KPNA4: variants seen among roughly 807,000 people sequenced by gnomAD.
KPNA4 encodes importin subunit alpha-3.
A neutral mutation model predicts 71.3 loss-of-function variants in KPNA4; 13 were observed. That is an observed-to-expected ratio of 0.18 (90% CI 0.12 to 0.29). The LOEUF (loss-of-function observed/expected upper bound fraction) is 0.29, where lower values mean the gene tolerates loss of function less well. Among genes scored for constraint, KPNA4 ranks in the 10% least tolerant of loss-of-function variants. The pLI, the probability that KPNA4 is intolerant of heterozygous loss-of-function variation, is 1.00. For missense variants in KPNA4, 334 were observed against 603.2 expected, an observed-to-expected ratio of 0.55 and a Z score of 4.67; for synonymous variants, 189 against 195.2, an observed-to-expected ratio of 0.97 and a Z score of 0.26.
At chr3:160,554,579 A>ATAC (rs1256448085) in intron 1 of KPNA4, among the ~76,000 whole-genome samples, 2 of 152,136 alleles carry the variant, frequency 1.3e-5, no homozygotes, top group Non-Finnish European at 2.9e-5. Context: ...GGGGCCCTAG[A>ATAC]TAGTTTCAGG....
chr3:160,556,127 C>T (rs1280837123), intron 1 of KPNA4, among the ~76,000 whole-genome samples: 3 of 152,230 alleles, frequency 2.0e-5, no homozygotes, highest in African/African-American at 7.2e-5. Flanking sequence ...AGCCACTGCG[C>T]CCAGCCAAGT....
intron 1 of KPNA4, among the ~76,000 whole-genome samples, chr3:160,551,300 C>T (rs1230243355): frequency 6.6e-6 from 1 of 152,078 alleles, no homozygotes; most frequent in Non-Finnish European, 1.5e-5. Context: ...CTTTTCTCTA[C>T]AAAAACATAT....
At chr3:160,540,532 G>A (rs1721778569) in intron 1 of KPNA4, among the ~76,000 whole-genome samples, 1 of 152,140 alleles carries the variant, frequency 6.6e-6, no homozygotes, top group Non-Finnish European at 1.5e-5. Context: ...TGAATGAACT[G>A]GTAGAAAGAC....
chr3:160,537,441 G>GT (rs1229386442), intron 1 of KPNA4, among the ~76,000 whole-genome samples: 1 of 151,238 alleles, frequency 6.6e-6, no homozygotes, highest in African/African-American at 2.4e-5. Flanking sequence ...ATTTTCTATG[G>GT]CACACCATGG....
In KPNA4 at chr3:160,524,448, T is replaced by G. The variant is rs372736595; in HGVS notation, c.771+1352A>C. 5.9e-5 allele frequency among the ~76,000 whole-genome samples: 9 copies of G among 152,254 alleles called. No homozygotes were observed. The East Asian group carries it at 1.4e-3, about 23-fold the overall frequency. The stretch of plus-strand genomic sequence containing the variant: ...GCCTTGACCTCCCCAGCTCAGGAGA[T>G]CCTCCTGCCTCAGCCACTGAGTAGC... On this transcript the variant is annotated intron_variant, in intron 10 of 16. Coordinates refer to ENST00000334256, the MANE Select transcript of KPNA4 (RefSeq NM_002268.5).
intron 10 of KPNA4, among the ~76,000 whole-genome samples, chr3:160,523,470 G>C (rs1238470253): frequency 1.3e-5 from 2 of 152,118 alleles, no homozygotes; most frequent in Non-Finnish European, 2.9e-5. Context: ...ACTCCTAAAA[G>C]GTGAAAATAA....
At chr3:160,504,334 A>C (rs558177323) in intron 16 of KPNA4, among the ~76,000 whole-genome samples, 15 of 152,208 alleles carry the variant, frequency 9.9e-5, no homozygotes, top group Non-Finnish European at 2.1e-4. Context: ...CATTAAAGAA[A>C]TCCTCTGGTG....
chr3:160,524,505 C>T (rs955169999), intron 10 of KPNA4, among the ~76,000 whole-genome samples: 8 of 151,804 alleles, frequency 5.3e-5, no homozygotes, highest in African/African-American at 1.9e-4. Flanking sequence ...CTATGCCTGG[C>T]TAATTTTTTG....
At chr3:160,515,347 G>T in intron 12 of KPNA4, 105 bp downstream of exon 12, 2 of 1,036,468 alleles carry the variant, frequency 1.9e-6, no homozygotes, top group Non-Finnish European at 2.8e-6. Flanking sequence ...ATGACAGTTT[G>T]TATTAAGAAT....
chr3:160,521,605 A>G (rs1721350629), intron 11 of KPNA4, among the ~76,000 whole-genome samples, 174 bp downstream of exon 11: 1 of 152,220 alleles, frequency 6.6e-6, no homozygotes, highest in Admixed American at 6.5e-5. Context: ...CATCTTAAAA[A>G]AAGAAATTAG....
At chr3:160,556,780 T>C (rs1208127393) in intron 1 of KPNA4, among the ~76,000 whole-genome samples, 2 of 152,116 alleles carry the variant, frequency 1.3e-5, no homozygotes, top group African/African-American at 4.8e-5. Flanking sequence ...AAAAAGGGAA[T>C]TGGGAAAAAT....
At chr3:160,514,007 A>C in intron 13 of KPNA4, 70 bp downstream of exon 13, 1 of 845,790 alleles carries the variant, frequency 1.2e-6, no homozygotes, top group East Asian at 3.0e-5. Context: ...ATAAATTCAC[A>C]TAATGTCTCA....
intron 15 of KPNA4, among the ~76,000 whole-genome samples, chr3:160,506,499 T>C (rs1372548843): frequency 1.3e-5 from 2 of 152,004 alleles, no homozygotes; most frequent in African/African-American, 2.4e-5. Context: ...GGTCTCTTCC[T>C]GCCTCCTTTC....
intron 14 of KPNA4, 135 bp downstream of exon 14, chr3:160,509,665 C>T (rs949210651): frequency 7.5e-6 from 5 of 671,004 alleles, no homozygotes; most frequent in Non-Finnish European, 1.0e-5. Context: ...ACCCTGGCCT[C>T]GGGTGATCCT....
At chr3:160,560,744 C>A (rs1722227192) in intron 1 of KPNA4, among the ~76,000 whole-genome samples, 1 of 152,028 alleles carries the variant, frequency 6.6e-6, no homozygotes, top group South Asian at 2.1e-4. Flanking sequence ...AAGCAATTCT[C>A]AAACTGGCTA....
chr3:160,545,039 G>A (rs1449811337), intron 1 of KPNA4, among the ~76,000 whole-genome samples: 1 of 152,182 alleles, frequency 6.6e-6, no homozygotes, highest in African/African-American at 2.4e-5. Context: ...CCAAAGCTTA[G>A]ATATCCTGGA....
intron 14 of KPNA4, among the ~76,000 whole-genome samples, chr3:160,508,891 C>T (rs1721040036): frequency 6.6e-6 from 1 of 152,114 alleles, no homozygotes; most frequent in Non-Finnish European, 1.5e-5. Context: ...GCCTGGCTAC[C>T]TCTCAATTCA....
rs570547890 is a variant in KPNA4, at chr3:160,497,320, C to G, written c.*4784G>C. Reference sequence around the variant, plus strand: ...ATCCCAGCTACTCAGGAGGCTGAGGCAGAATTGCTTGAACCCTTGAGGCAG... The same window carrying G: ...ATCCCAGCTACTCAGGAGGCTGAGGGAGAATTGCTTGAACCCTTGAGGCAG... On this transcript the variant is annotated 3_prime_UTR_variant, in exon 17 of 17. Coordinates refer to ENST00000334256, the MANE Select transcript of KPNA4 (RefSeq NM_002268.5). 2.6e-5 allele frequency: 4 copies of G among 152,236 alleles called. No homozygotes were observed. In the East Asian group the frequency reaches 7.7e-4, roughly 29 times the overall value. The allele number at this position is 152,236 out of a possible 1,614,324, so 9.4% of individuals were successfully genotyped here. A position where few individuals can be genotyped will look rare whatever the true frequency, so the allele number is the denominator to read the frequency against.
intron 1 of KPNA4, among the ~76,000 whole-genome samples, chr3:160,558,329 T>G (rs1052560971): frequency 5.3e-5 from 8 of 152,210 alleles, no homozygotes; most frequent in African/African-American, 1.9e-4. Context: ...ACAAGAGGAA[T>G]TTTGTAAGCA....
Sources: gnomAD v4.1 joint callset for allele counts (sites outside exome capture counted in the v4.1 genomes callset) on GRCh38, gnomAD v4.1.1 for gene constraint, MANE v1.5 for transcripts, NCBI Gene and HGNC (gene_info 2026-07-23, HGNC 2026-07-21) for gene names.